Variants in MTCL1 observed in about 807,000 individuals in gnomAD.
MTCL1 encodes microtubule cross-linking factor 1.
A neutral mutation model predicts 141.4 loss-of-function variants in MTCL1; 79 were observed. That is an observed-to-expected ratio of 0.56 (90% CI 0.47 to 0.67). The LOEUF is 0.67. Among genes scored for constraint, MTCL1 ranks in the 30% least tolerant of loss-of-function variants. The probability of loss-of-function intolerance (pLI) is 0.00; values close to 1 mark genes in which losing one functional copy is unlikely to be tolerated. For synonymous variants in MTCL1, 914 were observed against 875.8 expected (o/e 1.04, Z -0.77); for missense variants, 2,177 against 2,113.9 (o/e 1.03, Z -0.59).
rs1400101762 is a variant in MTCL1 at position 8,785,045 on chromosome 18, TG to T, written c.1731+203del. Among the ~76,000 whole-genome samples the T allele has an allele frequency of 2.6e-5, 4 of 151,774 alleles. 1 individual carries two copies. Among genetic ancestry groups the T allele is most frequent in the Non-Finnish European group, 5.9e-5 (4 of 67,932 alleles). On this transcript the variant is annotated intron_variant, in intron 6 of 16. Coordinates refer to ENST00000359865, the Ensembl canonical transcript of MTCL1. ...TGTTTTTTTTTTTTTTAAGTTCTCT[TG>T]TATTGCCTTGTTTCTTTTTCCTTTC...
intron 11 of MTCL1, chr18:8,809,925 A>C (rs1342757866): frequency 1.5e-5 from 3 of 205,308 alleles, no homozygotes; most frequent in Non-Finnish European, 2.9e-5. Context: ...GACTGTGCAC[A>C]GAATGAAAGG....
intron 13 of MTCL1, 64 bp downstream of exon 12, chr18:8,819,323 A>G: frequency 1.3e-6 from 2 of 1,550,630 alleles, no homozygotes; most frequent in Non-Finnish European, 8.8e-7. Context: ...ATGAAACCTA[A>G]GAGGCATCTG....
At chr18:8,825,275 C>T (rs766464105) in exon 15 of MTCL1, 6 of 1,565,012 alleles carry the variant, frequency 3.8e-6, no homozygotes, top group South Asian at 2.5e-5. Flanking sequence ...GGGCACGGCG[C>T]CCCCTTGATA....
At chr18:8,796,377 T>C in exon 9 of MTCL1, 1 of 1,614,178 alleles carries the variant, frequency 6.2e-7, no homozygotes, top group South Asian at 1.1e-5. Flanking sequence ...CAGAACATTT[T>C]CCTCTTCTAC....
exon 15 of MTCL1, chr18:8,825,848 C>T: frequency 6.2e-7 from 1 of 1,614,214 alleles, no homozygotes; most frequent in African/African-American, 1.3e-5. Context: ...TCTCCAGCCT[C>T]TTCAACATCA....
intron 4 of MTCL1, among the ~76,000 whole-genome samples, chr18:8,736,731 G>T (rs908340090): frequency 6.6e-6 from 1 of 150,662 alleles, no homozygotes; most frequent in Non-Finnish European, 1.5e-5. Context: ...TCTGCCTCCC[G>T]GGTTCATGCC....
At chr18:8,749,768 T>TG (rs992595571) in intron 4 of MTCL1, among the ~76,000 whole-genome samples, 1 of 152,082 alleles carries the variant, frequency 6.6e-6, no homozygotes, top group African/African-American at 2.4e-5. Context: ...CGTACAGACA[T>TG]GGGGGCCTAT....
rs184852433 is a variant in MTCL1, at chr18:8,819,994, C to G, written c.3156+735C>G. Among the ~76,000 whole-genome samples the G allele has an allele frequency of 1.2e-4, 18 of 152,260 alleles. No homozygotes were observed. In the East Asian group the frequency reaches 3.5e-3, roughly 29 times the overall value. ...ATATTCTGGGCAAAGGGAAAAAAAT[C>G]CAACACTTAGAAACCTTACATAAAT... On this transcript the variant is annotated intron_variant, in intron 13 of 16. Coordinates refer to ENST00000359865, the Ensembl canonical transcript of MTCL1.
chr18:8,736,536 C>A (rs541600683), intron 4 of MTCL1, among the ~76,000 whole-genome samples: 2 of 151,816 alleles, frequency 1.3e-5, no homozygotes, highest in African/African-American at 4.8e-5. Flanking sequence ...AAGTGAAAAA[C>A]AGAATGATTG....
chr18:8,831,180 A>G (rs780022879), intron 16 of MTCL1: 8 of 995,450 alleles, frequency 8.0e-6, no homozygotes, highest in Non-Finnish European at 9.6e-6. Flanking sequence ...CAGTAGATCC[A>G]GGCCCTGTAG....
At chr18:8,730,870 A>G (rs149779065) in intron 4 of MTCL1, among the ~76,000 whole-genome samples, 111 of 152,340 alleles carry the variant, frequency 7.3e-4, no homozygotes, top group African/African-American at 2.2e-3. Flanking sequence ...GATAATGTGC[A>G]GGGCGTTTCA....
intron 4 of MTCL1, among the ~76,000 whole-genome samples, chr18:8,761,384 A>G (rs753730383): frequency 2.6e-5 from 4 of 152,226 alleles, no homozygotes; most frequent in Non-Finnish European, 5.9e-5. Flanking sequence ...TAAAGCACCA[A>G]TTTGGTGGCA....
intron 12 of MTCL1, among the ~76,000 whole-genome samples, chr18:8,817,524 C>T (rs1203928838): frequency 6.6e-6 from 1 of 152,096 alleles, no homozygotes; most frequent in Non-Finnish European, 1.5e-5. Flanking sequence ...AGCAAACGTC[C>T]TTTTGTCTTT....
chr18:8,749,637 G>A (rs916442758), intron 4 of MTCL1, among the ~76,000 whole-genome samples: 2 of 152,214 alleles, frequency 1.3e-5, no homozygotes, highest in East Asian at 1.9e-4. Flanking sequence ...TGGTGGGCCC[G>A]AGAGAGTGAC....
At chr18:8,786,376 T>G in intron 7 of MTCL1, 1 of 641,600 alleles carries the variant, frequency 1.6e-6, no homozygotes, top group Non-Finnish European at 2.9e-6. Context: ...GGAAGTAGGC[T>G]GATTGGTGAG....
At chr18:8,739,118 A>T (rs1032524579) in intron 4 of MTCL1, among the ~76,000 whole-genome samples, 1 of 152,086 alleles carries the variant, frequency 6.6e-6, no homozygotes. Flanking sequence ...GGTGACATGT[A>T]CCTATAGTCT....
Position 8,804,394 on chromosome 18 carries a change from T to TA in MTCL1, c.2437-2498dup, listed in dbSNP as rs1311205894. On this transcript the variant is annotated intron_variant, in intron 10 of 16. Transcript: ENST00000359865. ...TCTCAGCCTCCTGAGTAGTTGGGACTACAGGCAAGAGCCACAACGCTAATT... is the reference window on the plus strand; with the variant it reads ...TCTCAGCCTCCTGAGTAGTTGGGACTAACAGGCAAGAGCCACAACGCTAATT... Among the ~76,000 whole-genome samples, 10 of 152,208 alleles carry TA rather than the reference T, an allele frequency of 6.6e-5. 1 individual carries two copies. The highest frequency in any genetic ancestry group is 2.4e-4 in the African/African-American group (10 of 41,542).
intron 11 of MTCL1, chr18:8,809,736 G>A (rs756519322): frequency 6.3e-6 from 6 of 951,356 alleles, no homozygotes; most frequent in South Asian, 1.8e-5. Context: ...GTGCCTGGGC[G>A]ATGGGCCATC....
intron 10 of MTCL1, among the ~76,000 whole-genome samples, chr18:8,799,425 A>G (rs2076040769): frequency 1.3e-5 from 2 of 152,216 alleles, no homozygotes; most frequent in Non-Finnish European, 2.9e-5. Flanking sequence ...CCTGAATAAC[A>G]TGACTCAAGG....
Sources: gnomAD v4.1 joint callset for allele counts (sites outside exome capture counted in the v4.1 genomes callset) on GRCh38, gnomAD v4.1.1 for gene constraint, MANE v1.5 for transcripts, NCBI Gene and HGNC (gene_info 2026-07-23, HGNC 2026-07-21) for gene names.